The following DMD variants were observed in gnomAD, a reference collection of about 807,000 sequenced individuals.
DMD encodes dystrophin, also known as mutant dystrophin.
Under a neutral mutation model 330.1 loss-of-function variants are expected in DMD, and 63 were observed. The ratio of observed to expected loss-of-function variants is 0.19; its 90% confidence interval spans 0.16 to 0.24. DMD has a LOEUF of 0.24. Ranked by LOEUF, DMD falls within the 10% of genes least tolerant of loss-of-function variation. The pLI, the probability that DMD is intolerant of heterozygous loss-of-function variation, is 1.00. For missense variants in DMD, 3,344 were observed against 2,684.1 expected, an observed-to-expected ratio of 1.25 and a Z score of -5.43; for synonymous variants, 1,223 against 959.8, an observed-to-expected ratio of 1.27 and a Z score of -5.07.
chrX:31,495,012 T>C (rs951152410), intron 57 of DMD, among the ~76,000 whole-genome samples: 10 of 112,059 alleles, frequency 8.9e-5, no homozygotes, highest in Admixed American at 1.9e-4. Context: ...CCAGAGTGTT[T>C]TGGCTGTTTA....
At chrX:32,259,628 T>A (rs1409266423) in intron 43 of DMD, among the ~76,000 whole-genome samples, 2 of 111,661 alleles carry the variant, frequency 1.8e-5, no homozygotes, top group Admixed American at 1.9e-4. Flanking sequence ...GCTATCTGCA[T>A]GAATGACTAT....
chrX:32,654,870 G>T (rs1297094048), intron 9 of DMD, among the ~76,000 whole-genome samples: 2 of 111,580 alleles, frequency 1.8e-5, no homozygotes, highest in African/African-American at 3.3e-5. Flanking sequence ...TCCTGGTTTA[G>T]TCTTGGGAGG....
At chrX:31,618,183 T>G (rs1373150154) in intron 55 of DMD, among the ~76,000 whole-genome samples, 1 of 106,532 alleles carries the variant, frequency 9.4e-6, no homozygotes, top group Non-Finnish European at 1.9e-5. Flanking sequence ...ACATGCAATT[T>G]ACCCATGTAA....
intron 39 of DMD, among the ~76,000 whole-genome samples, chrX:32,344,781 C>T (rs1031808214): frequency 6.3e-5 from 7 of 111,767 alleles, no homozygotes; most frequent in Non-Finnish European, 3.8e-5. Flanking sequence ...CAGTAGGACA[C>T]ACACCATCAT....
chrX:32,769,153 A>T (rs2073326305), intron 7 of DMD, among the ~76,000 whole-genome samples: 1 of 112,684 alleles, frequency 8.9e-6, no homozygotes, highest in Admixed American at 9.4e-5. Context: ...GTCCATTTTC[A>T]CACTGCTGAT....
chrX:32,603,666 G>C (rs1395544585), intron 12 of DMD, among the ~76,000 whole-genome samples: 2 of 111,269 alleles, frequency 1.8e-5, no homozygotes, highest in South Asian at 7.4e-4. Context: ...AGAGATGATA[G>C]ATGTGACGTT....
intron 22 of DMD, among the ~76,000 whole-genome samples, chrX:32,471,625 A>G (rs1350362622): frequency 1.8e-5 from 2 of 112,145 alleles, no homozygotes; most frequent in Non-Finnish European, 3.8e-5. Flanking sequence ...TTTACATTGT[A>G]TTAGGCATTA....
chrX:32,760,446 T>C (rs985885322), intron 7 of DMD, among the ~76,000 whole-genome samples: 1 of 111,860 alleles, frequency 8.9e-6, no homozygotes, highest in Non-Finnish European at 1.9e-5. Flanking sequence ...TTTCCATGAC[T>C]GCAAGCTCTA....
chrX:32,626,150 T>C (rs759495371), intron 11 of DMD, among the ~76,000 whole-genome samples: 1 of 111,915 alleles, frequency 8.9e-6, no homozygotes, highest in African/African-American at 3.2e-5. Flanking sequence ...CTGATGAAAA[T>C]TGGAATTGAT....
At chrX:31,859,192 T>A (rs774493404) in intron 48 of DMD, among the ~76,000 whole-genome samples, 5 of 111,207 alleles carry the variant, frequency 4.5e-5, no homozygotes, top group Non-Finnish European at 7.5e-5. Flanking sequence ...AGGTCATGTA[T>A]AATGCTTCCT....
intron 60 of DMD, among the ~76,000 whole-genome samples, chrX:31,391,133 T>C (rs2060663102): frequency 2.7e-5 from 3 of 111,614 alleles, no homozygotes; most frequent in Middle Eastern, 4.6e-3. Flanking sequence ...ATAACATTTC[T>C]CACTATTTTT....
At chrX:32,394,205 A>G (rs1245832483) in intron 30 of DMD, among the ~76,000 whole-genome samples, 1 of 112,177 alleles carries the variant, frequency 8.9e-6, no homozygotes, top group Non-Finnish European at 1.9e-5. Context: ...CTCAGGGCCA[A>G]CGGAAAATAT....
In DMD at chrX:33,178,389, G is replaced by A. The variant is rs1281470054; in HGVS notation, c.31+32893C>T. Among the ~76,000 whole-genome samples the A allele has an allele frequency of 8.1e-5, 9 of 111,758 alleles. No individual in the cohort carries two copies. In the Admixed American group the frequency reaches 8.6e-4, roughly 11 times the overall value. On this transcript the variant is annotated intron_variant, in intron 1 of 78. Transcript: ENST00000357033. ...ACCATGGCCCTGCTCTACCGGCAAT[G>A]TACTGCTTCCAGCTGGAGCTCACTC...
intron 49 of DMD, among the ~76,000 whole-genome samples, chrX:31,831,826 T>A (rs1018896176): frequency 2.7e-5 from 3 of 112,316 alleles, no homozygotes; most frequent in Non-Finnish European, 5.6e-5. Context: ...ATGGTCTCGA[T>A]CTCCTGACTT....
intron 41 of DMD, among the ~76,000 whole-genome samples, chrX:32,315,522 AAAAG>A (rs745583692): frequency 0.012 from 1,286 of 111,113 alleles, 11 homozygotes; most frequent in African/African-American, 0.039. Context: ...ATTAAAAAAA[AAAAG>A]AAAAAATCAT....
intron 76 of DMD, among the ~76,000 whole-genome samples, chrX:31,141,532 C>T (rs1271990769): frequency 9.0e-6 from 1 of 111,583 alleles, no homozygotes; most frequent in Admixed American, 9.5e-5. Context: ...ATGATGAGGG[C>T]TAAATTTGGG....
intron 71 of DMD, 32 bp downstream of exon 71, chrX:31,177,900 T>C: frequency 8.6e-7 from 1 of 1,159,888 alleles, no homozygotes; most frequent in East Asian, 3.0e-5. Flanking sequence ...GTGTTGGTGG[T>C]AGCAGCACCC....
chrX:32,471,661 T>C (rs1441240169), intron 22 of DMD, among the ~76,000 whole-genome samples: 1 of 111,960 alleles, frequency 8.9e-6, no homozygotes, highest in African/African-American at 3.3e-5. Flanking sequence ...TGAGTTAAAG[T>C]ATATGGGAGC....
chrX:33,040,920 T>C (rs2094288903), intron 1 of DMD, among the ~76,000 whole-genome samples: 1 of 111,658 alleles, frequency 9.0e-6, no homozygotes, highest in Non-Finnish European at 1.9e-5. Flanking sequence ...CTTTAAAATA[T>C]CTCTGACTGA....
Sources: gnomAD v4.1 joint callset for allele counts (sites outside exome capture counted in the v4.1 genomes callset) on GRCh38, gnomAD v4.1.1 for gene constraint, MANE v1.5 for transcripts, NCBI Gene and HGNC (gene_info 2026-07-23, HGNC 2026-07-21) for gene names.